GRM8: variants seen among roughly 807,000 people sequenced by gnomAD.
GRM8 encodes the protein metabotropic glutamate receptor 8.
GRM8 carries 47 observed loss-of-function variants against 87.2 expected under a neutral mutation model. The ratio of observed to expected loss-of-function variants is 0.54; its 90% CI spans 0.43 to 0.69. GRM8 has a LOEUF of 0.69. GRM8 is among the 30% of genes least tolerant of loss of function. The pLI, the probability that GRM8 is intolerant of heterozygous loss-of-function variation, is 0.00. For synonymous variants in GRM8, 396 were observed against 404.5 expected, an observed-to-expected ratio of 0.98 and a Z score of 0.25; for missense variants, 1,019 against 1,139.2, an observed-to-expected ratio of 0.89 and a Z score of 1.52.
intron 2 of GRM8, among the ~76,000 whole-genome samples, chr7:127,197,769 AAC>A (rs1563572837): frequency 6.6e-6 from 1 of 152,134 alleles, no homozygotes; most frequent in Non-Finnish European, 1.5e-5. Context: ...TAAAAGGGAG[AAC>A]ATTATTCTTC....
chr7:127,029,416 T>A (rs1817133845), intron 3 of GRM8, among the ~76,000 whole-genome samples: 1 of 152,182 alleles, frequency 6.6e-6, no homozygotes, highest in Non-Finnish European at 1.5e-5. Flanking sequence ...TTGATCTGTC[T>A]AATATTGACA....
At chr7:127,151,219 A>G (rs910490431) in intron 2 of GRM8, among the ~76,000 whole-genome samples, 9 of 151,980 alleles carry the variant, frequency 5.9e-5, no homozygotes, top group African/African-American at 2.2e-4. Context: ...TAGTCCTCAC[A>G]GGTTATGCTA....
At chr7:126,762,831 G>C (rs964000038) in intron 7 of GRM8, among the ~76,000 whole-genome samples, 1 of 151,620 alleles carries the variant, frequency 6.6e-6, no homozygotes, top group African/African-American at 2.4e-5. Context: ...ATAAGAATTT[G>C]ATATGTACCA....
At chr7:127,099,040 C>T (rs1388827244) in intron 3 of GRM8, among the ~76,000 whole-genome samples, 2 of 152,106 alleles carry the variant, frequency 1.3e-5, no homozygotes, top group Non-Finnish European at 2.9e-5. Context: ...ATTATCCTGT[C>T]TTCTTTTAAA....
intron 9 of GRM8, among the ~76,000 whole-genome samples, chr7:126,470,374 G>T (rs990502610): frequency 4.8e-5 from 6 of 123,718 alleles, no homozygotes; most frequent in East Asian, 2.5e-4. Flanking sequence ...CAGAGTGTGA[G>T]GTTCCCCTTC....
chr7:126,615,636 C>T (rs551335355), intron 7 of GRM8, among the ~76,000 whole-genome samples: 8 of 152,162 alleles, frequency 5.3e-5, no homozygotes, highest in Middle Eastern at 3.4e-3. Context: ...ACCCATCTCA[C>T]GTGCAGAGAC....
intron 3 of GRM8, among the ~76,000 whole-genome samples, chr7:126,950,425 T>C (rs1227087481): frequency 1.3e-5 from 2 of 152,204 alleles, no homozygotes; most frequent in African/African-American, 2.4e-5. Context: ...GAATTGGTAC[T>C]AGTATATTAA....
At chr7:126,964,551 T>C (rs539548065) in intron 3 of GRM8, among the ~76,000 whole-genome samples, 1 of 151,994 alleles carries the variant, frequency 6.6e-6, no homozygotes, top group Non-Finnish European at 1.5e-5. Context: ...AACAAACATA[T>C]GAAAAAAAGC....
At chr7:127,157,244 G>A (rs1341399335) in intron 2 of GRM8, among the ~76,000 whole-genome samples, 1 of 137,116 alleles carries the variant, frequency 7.3e-6, no homozygotes, top group African/African-American at 3.1e-5. Context: ...AAGAGGATGG[G>A]GAGAAGAAAG....
chr7:126,659,048 C>T (rs943934632), intron 7 of GRM8, among the ~76,000 whole-genome samples: 1 of 138,898 alleles, frequency 7.2e-6, no homozygotes, highest in Non-Finnish European at 1.6e-5. Flanking sequence ...CCCGCCCCGC[C>T]CCCAGGTTCA....
rs562851461 is a variant in GRM8, at chr7:126,589,707, G to A, written c.1494+19655C>T. Among the ~76,000 whole-genome samples, 339 of 152,170 alleles carry A rather than the reference G, an allele frequency of 2.2e-3. 1 individual carries two copies. The highest frequency in any genetic ancestry group is 7.9e-3 in the African/African-American group (328 of 41,520). ...CAATAAACAACAATAATACAACTAC[G>A]GGCCCTCACAGAATGCATTTCACTC... On this transcript the variant is annotated intron_variant, in intron 8 of 10. Transcript: ENST00000339582.
intron 3 of GRM8, among the ~76,000 whole-genome samples, chr7:127,092,546 T>C (rs1824248898): frequency 6.6e-6 from 1 of 151,918 alleles, no homozygotes; most frequent in Admixed American, 6.6e-5. Context: ...AAAATAGTAA[T>C]AATACAAAAA....
chr7:126,456,627 C>T (rs1803277096), intron 9 of GRM8, among the ~76,000 whole-genome samples: 1 of 145,680 alleles, frequency 6.9e-6, no homozygotes, highest in Admixed American at 6.9e-5. Flanking sequence ...AAATATCAGA[C>T]ATTTAGCCAA....
intron 7 of GRM8, among the ~76,000 whole-genome samples, chr7:126,765,198 G>A (rs760203061): frequency 1.3e-5 from 2 of 152,046 alleles, no homozygotes; most frequent in Non-Finnish European, 2.9e-5. Flanking sequence ...GCTATCCTGT[G>A]AACCTAGAAG....
intron 7 of GRM8, among the ~76,000 whole-genome samples, chr7:126,642,546 G>A (rs28576500): frequency 0.31 from 46,667 of 151,612 alleles, 8,028 homozygotes; most frequent in East Asian, 0.43. Context: ...AGGCTAAGGC[G>A]GGAGAATAGT....
At chr7:126,991,297 T>C (rs1586692312) in intron 3 of GRM8, among the ~76,000 whole-genome samples, 1 of 152,170 alleles carries the variant, frequency 6.6e-6, no homozygotes, top group South Asian at 2.1e-4. Context: ...TCTCTGTTTG[T>C]TGTTTCGCTT....
chr7:126,891,092 A>G (rs1250700051), intron 6 of GRM8, among the ~76,000 whole-genome samples: 1 of 151,950 alleles, frequency 6.6e-6, no homozygotes, highest in Non-Finnish European at 1.5e-5. Context: ...CTCTTCCCCA[A>G]TCATTCATTA....
intron 8 of GRM8, among the ~76,000 whole-genome samples, chr7:126,598,383 A>T (rs1797418078): frequency 6.6e-6 from 1 of 152,074 alleles, no homozygotes; most frequent in South Asian, 2.1e-4. Flanking sequence ...CAGATTTGGT[A>T]TGGCATAGTT....
chr7:127,143,613 T>TA (rs1554600653), intron 2 of GRM8, among the ~76,000 whole-genome samples: 5 of 152,222 alleles, frequency 3.3e-5, no homozygotes, highest in Admixed American at 6.6e-5. Context: ...TTACAGAGGT[T>TA]AAAAAATTTG....
Sources: gnomAD v4.1 joint callset for allele counts (sites outside exome capture counted in the v4.1 genomes callset) on GRCh38, gnomAD v4.1.1 for gene constraint, MANE v1.5 for transcripts, NCBI Gene and HGNC (gene_info 2026-07-23, HGNC 2026-07-21) for gene names.